Variants in GPT2 observed in about 807,000 individuals in gnomAD.
GPT2 encodes the protein alanine aminotransferase 2.
GPT2 carries 30 observed loss-of-function variants against 56.9 expected under a neutral mutation model. That is an observed-to-expected ratio of 0.53 (90% CI 0.39 to 0.72). The LOEUF (loss-of-function observed/expected upper bound fraction) is 0.72. Among genes scored for constraint, GPT2 ranks in the 30% least tolerant of loss-of-function variants. The pLI is 0.00. For synonymous variants in GPT2, 271 were observed against 283.1 expected, an observed-to-expected ratio of 0.96 and a Z score of 0.43; for missense variants, 542 against 703.4, an observed-to-expected ratio of 0.77 and a Z score of 2.60.
intron 4 of GPT2, 105 bp from the exon 5 acceptor site, chr16:46,906,737 C>T: frequency 3.4e-6 from 5 of 1,478,760 alleles, no homozygotes; most frequent in Admixed American, 3.5e-5. Context: ...ACCCCGAGAC[C>T]CTCACCCCAA....
chr16:46,927,167 T>A (rs1411619464), intron 11 of GPT2, 130 bp downstream of exon 11: 5 of 521,694 alleles, frequency 9.6e-6, no homozygotes, highest in Non-Finnish European at 1.7e-5. Context: ...GAGTCACCCC[T>A]ACTCTGTCCT....
chr16:46,905,513 G>A (rs755696924), intron 4 of GPT2, among the ~76,000 whole-genome samples: 1 of 152,128 alleles, frequency 6.6e-6, no homozygotes, highest in Non-Finnish European at 1.5e-5. Flanking sequence ...TAAATGCAGT[G>A]TAAAATTCAA....
At chr16:46,893,931 G>C (rs1960635639) in intron 2 of GPT2, among the ~76,000 whole-genome samples, 1 of 152,202 alleles carries the variant, frequency 6.6e-6, no homozygotes, top group Admixed American at 6.5e-5. Flanking sequence ...CTCTGGACCA[G>C]TCACTCTGGG....
intron 6 of GPT2, chr16:46,916,363 A>T: frequency 3.3e-6 from 1 of 300,830 alleles, no homozygotes; most frequent in Non-Finnish European, 6.2e-6. Flanking sequence ...TTAAAAAAAA[A>T]AAAATAAGAG....
In GPT2 at chr16:46,899,091, G is replaced by C. The variant is rs534039690; in HGVS notation, c.333+1354G>C. 1.0e-4 allele frequency among the ~76,000 whole-genome samples: 15 copies of C among 145,662 alleles called. No individual in the cohort carries two copies. The South Asian group carries it at 3.3e-3, about 32-fold the overall frequency. ...CTGTTGCCCAGGCTGGAGTGCGATT[G>C]TCATGATCACTGCTCTCTGTAACCT... is the stretch of plus-strand genomic sequence containing the variant. On this transcript the variant is annotated intron_variant, in intron 3 of 11. Coordinates refer to ENST00000340124, the MANE Select transcript of GPT2 (RefSeq NM_133443.4).
intron 5 of GPT2, among the ~76,000 whole-genome samples, 161 bp downstream of exon 5, chr16:46,907,136 T>C (rs1047359253): frequency 2.0e-5 from 3 of 152,206 alleles, no homozygotes; most frequent in African/African-American, 7.2e-5. Flanking sequence ...TTTGCCTCTT[T>C]TAGTCTTCAT....
Position 46,906,992 on chromosome 16 carries a change from C to T in GPT2, c.576+17C>T. ...GGCATTTCTGTACGTGTGAGGGTGG[C>T]TCGTTGTTATCCGGTGTTTACCCAC... On this transcript the variant is annotated intron_variant, in intron 5 of 11. Transcript: ENST00000340124. The T allele has an allele frequency of 1.2e-6, 2 of 1,614,064 alleles. No homozygotes were observed. Among genetic ancestry groups the T allele is most frequent in the South Asian group, 1.1e-5 (1 of 91,078 alleles).
intron 8 of GPT2, among the ~76,000 whole-genome samples, chr16:46,921,640 C>G (rs1277575366): frequency 6.6e-6 from 1 of 152,120 alleles, no homozygotes; most frequent in African/African-American, 2.4e-5. Context: ...ATGTATGTTG[C>G]TGATTTGGTC....
intron 6 of GPT2, among the ~76,000 whole-genome samples, chr16:46,911,802 G>A (rs1257304541): frequency 6.6e-6 from 1 of 151,110 alleles, no homozygotes; most frequent in East Asian, 1.9e-4. Flanking sequence ...AGCAAGTTCT[G>A]CAACATCTTG....
chr16:46,917,365 A>T (rs2143520884), intron 7 of GPT2, among the ~76,000 whole-genome samples: 1 of 152,300 alleles, frequency 6.6e-6, no homozygotes, highest in South Asian at 2.1e-4. Context: ...TCCCAGTGGC[A>T]GAAATGACTG....
Position 46,900,773 on chromosome 16 carries a change from G to T in GPT2, c.425G>T (p.Cys142Phe). ...CGTGCCCGGCGGATCCTGCAGGCTT[G>T]TGGCGGGAACAGCCTGGGTGAGGCC... ...KKRARRILQACGGNSLGSYSA... is the reference protein window; with the variant it reads ...KKRARRILQAFGGNSLGSYSA... Residue 142 changes from cysteine to phenylalanine, a missense_variant, in exon 4 of 12, where the codon TGT becomes TTT. By Grantham distance (205) the Cys-to-Phe change is radical. Coordinates refer to ENST00000340124, the MANE Select transcript of GPT2 (RefSeq NM_133443.4). The T allele has an allele frequency of 6.2e-7, 1 of 1,614,052 alleles. No homozygotes were observed. The highest frequency in any genetic ancestry group is 8.5e-7 in the Non-Finnish European group (1 of 1,179,926).
chr16:46,884,563 G>T, intron 1 of GPT2, 96 bp downstream of exon 1: 1 of 985,116 alleles, frequency 1.0e-6, no homozygotes. Flanking sequence ...GGGTCGCCGG[G>T]GGATGGGCAC....
intron 2 of GPT2, chr16:46,885,362 G>C (rs1408166662): frequency 1.4e-6 from 1 of 721,146 alleles, no homozygotes; most frequent in Admixed American, 6.3e-5. Context: ...GATGGGGGCG[G>C]TGGGAGGGAA....
intron 3 of GPT2, among the ~76,000 whole-genome samples, chr16:46,900,338 C>T (rs1411357721): frequency 6.6e-6 from 1 of 152,082 alleles, no homozygotes; most frequent in African/African-American, 2.4e-5. Context: ...GCATCGCCTG[C>T]CCCCTGCTCT....
At chr16:46,918,555 T>G in intron 7 of GPT2, 66 bp from the exon 8 acceptor site, 1 of 1,579,644 alleles carries the variant, frequency 6.3e-7, no homozygotes, top group Non-Finnish European at 8.6e-7. Context: ...CTCCCTTGCC[T>G]TGGCCACACT....
chr16:46,900,628 T>G, intron 3 of GPT2, 54 bp from the exon 4 acceptor site: 2 of 1,407,990 alleles, frequency 1.4e-6, no homozygotes, highest in Non-Finnish European at 2.0e-6. Flanking sequence ...GTGCTCCTCC[T>G]GGAGCTCTAG....
intron 2 of GPT2, among the ~76,000 whole-genome samples, chr16:46,891,464 C>T (rs1365113708): frequency 2.0e-5 from 3 of 151,438 alleles, no homozygotes; most frequent in African/African-American, 7.3e-5. Flanking sequence ...AGTGTAGTGG[C>T]GCAATCTCAG....
chr16:46,922,538 T>A, intron 9 of GPT2, 122 bp downstream of exon 9: 2 of 893,952 alleles, frequency 2.2e-6, no homozygotes, highest in South Asian at 3.4e-5. Flanking sequence ...GGCCTGCAGG[T>A]GCACTCATGG....
intron 3 of GPT2, among the ~76,000 whole-genome samples, chr16:46,899,035 A>ATATT (rs1567335287): frequency 5.2e-5 from 4 of 77,222 alleles, no homozygotes; most frequent in African/African-American, 2.7e-4. Context: ...ATATATATAT[A>ATATT]TTTTTTTTTT....
Sources: allele counts gnomAD v4.1 joint callset (sites outside exome capture counted in the v4.1 genomes callset), GRCh38; gene constraint gnomAD v4.1.1; transcripts MANE v1.5; gene names NCBI Gene and HGNC (gene_info 2026-07-23, HGNC 2026-07-21).